Variants in CSMD1 observed in about 807,000 individuals in gnomAD.
The protein encoded by CSMD1 is CUB and sushi domain-containing protein 1.
CSMD1 carries 213 observed loss-of-function variants against 417.5 expected under a neutral mutation model. The ratio of observed to expected loss-of-function variants is 0.51; its 90% CI spans 0.46 to 0.57. The LOEUF is 0.57. CSMD1 is among the 20% of genes least tolerant of loss of function. The pLI is 0.00. For synonymous variants in CSMD1, 2,862 were observed against 1,736.8 expected (o/e 1.65, Z -16.11); for missense variants, 6,923 against 4,529.7 (o/e 1.53, Z -15.17).
intron 5 of CSMD1, among the ~76,000 whole-genome samples, chr8:3,994,583 G>C (rs1016925037): frequency 1.3e-5 from 2 of 151,816 alleles, no homozygotes; most frequent in Admixed American, 6.6e-5. Flanking sequence ...GCAAGGGATT[G>C]ATAGGAAGCC....
intron 12 of CSMD1, among the ~76,000 whole-genome samples, chr8:3,465,180 G>A (rs1450539231): frequency 6.6e-6 from 1 of 152,074 alleles, no homozygotes; most frequent in Non-Finnish European, 1.5e-5. Context: ...TTCAGTCTCT[G>A]AGCTCCTCCC....
chr8:4,206,760 A>G (rs910780745), intron 3 of CSMD1, among the ~76,000 whole-genome samples: 1 of 152,244 alleles, frequency 6.6e-6, no homozygotes, highest in Admixed American at 6.5e-5. Context: ...TTCCAATGAA[A>G]CCATATCATT....
At chr8:4,772,046 G>T (rs1477433522) in intron 1 of CSMD1, among the ~76,000 whole-genome samples, 1 of 152,194 alleles carries the variant, frequency 6.6e-6, no homozygotes, top group East Asian at 1.9e-4. Context: ...CGGTCTCACT[G>T]GGCTAAAACC....
chr8:3,363,553 A>T (rs950561378), intron 20 of CSMD1, among the ~76,000 whole-genome samples: 1 of 147,840 alleles, frequency 6.8e-6, no homozygotes, highest in Non-Finnish European at 1.5e-5. Flanking sequence ...TTTGAGACCG[A>T]GTCTCGCTGT....
chr8:3,302,971 A>T lies in CSMD1; in HGVS notation c.3950+4724T>A, dbSNP rs547572236. ...TCACCCATGACCAGCAACTGCTCCC[A>T]GAGCCCCAGGTTAAAGGGGGTCTGG... On this transcript the variant is annotated intron_variant, in intron 25 of 69. Coordinates refer to ENST00000635120, the MANE Select transcript of CSMD1 (RefSeq NM_033225.6). Among the ~76,000 whole-genome samples the T allele has an allele frequency of 2.0e-5, 3 of 152,362 alleles. No homozygotes were observed. The East Asian group carries it at 5.8e-4, about 29-fold the overall frequency.
At chr8:4,562,285 A>G (rs539965547) in intron 2 of CSMD1, among the ~76,000 whole-genome samples, 1 of 152,312 alleles carries the variant, frequency 6.6e-6, no homozygotes, top group South Asian at 2.1e-4. Context: ...GAGAGAGGAC[A>G]ACCTGCTGGA....
At chr8:4,382,234 C>G (rs1486024816) in intron 3 of CSMD1, among the ~76,000 whole-genome samples, 1 of 152,170 alleles carries the variant, frequency 6.6e-6, no homozygotes, top group Admixed American at 6.5e-5. Flanking sequence ...CATTAAACAA[C>G]CATTACCAAA....
chr8:4,104,325 G>C (rs528745012), intron 3 of CSMD1, among the ~76,000 whole-genome samples: 1 of 152,178 alleles, frequency 6.6e-6, no homozygotes, highest in African/African-American at 2.4e-5. Flanking sequence ...CTCCACATGA[G>C]TGCTTAGAAC....
Position 3,241,088 on chromosome 8 carries a change from G to A in CSMD1, c.4154-10857C>T, listed in dbSNP as rs546639534. ...AGGTGAGGGGATACAAGAGGAGGAC[G>A]CAACGGAGGCTTTGGATTGGGAAGA... On this transcript the variant is annotated intron_variant, in intron 26 of 69. Coordinates refer to ENST00000635120, the MANE Select transcript of CSMD1 (RefSeq NM_033225.6). Among the ~76,000 whole-genome samples, 157 of 150,818 alleles carry A rather than the reference G, an allele frequency of 1.0e-3. 1 individual carries two copies. The highest frequency in any genetic ancestry group is 2.9e-3 in the African/African-American group (118 of 41,076).
At chr8:4,347,656 C>G (rs1380081712) in intron 3 of CSMD1, among the ~76,000 whole-genome samples, 2 of 152,148 alleles carry the variant, frequency 1.3e-5, no homozygotes, top group African/African-American at 2.4e-5. Context: ...AGTGTAATTT[C>G]ACATCAGTAT....
chr8:4,716,611 T>C (rs1197170643), intron 1 of CSMD1, among the ~76,000 whole-genome samples: 1 of 152,180 alleles, frequency 6.6e-6, no homozygotes, highest in Admixed American at 6.5e-5. Flanking sequence ...TAGCAGAATA[T>C]GGATTAACAC....
intron 2 of CSMD1, among the ~76,000 whole-genome samples, chr8:4,566,539 C>G (rs1021073852): frequency 1.5e-4 from 23 of 150,938 alleles, no homozygotes; most frequent in East Asian, 3.9e-4. Flanking sequence ...TGCAGTCCCA[C>G]CTACTCGGGA....
At chr8:3,785,317 G>A (rs1376298545) in intron 5 of CSMD1, among the ~76,000 whole-genome samples, 1 of 152,214 alleles carries the variant, frequency 6.6e-6, no homozygotes, top group Admixed American at 6.5e-5. Flanking sequence ...TCAGGCTGCG[G>A]AAAATAAATG....
In CSMD1 at chr8:3,996,740, T is replaced by G. The variant is rs199866363; in HGVS notation, c.818+1163A>C. 2.6e-5 allele frequency among the ~76,000 whole-genome samples: 4 copies of G among 152,174 alleles called. No homozygotes were observed. The East Asian group carries it at 5.8e-4, about 22-fold the overall frequency. On this transcript the variant is annotated intron_variant, in intron 5 of 69. Coordinates refer to ENST00000635120, the MANE Select transcript of CSMD1 (RefSeq NM_033225.6). ...GACAATCTAGGTAGAATTTGTTTGG[T>G]TTCTTCCTCCCTCCTATTTGAAATA...
chr8:4,007,941 T>A (rs1206492824), intron 4 of CSMD1, among the ~76,000 whole-genome samples: 1 of 152,192 alleles, frequency 6.6e-6, no homozygotes, highest in Non-Finnish European at 1.5e-5. Context: ...CAAGAACTCT[T>A]AATAGAGCGA....
At chr8:3,293,932 C>G (rs1211555559) in intron 25 of CSMD1, among the ~76,000 whole-genome samples, 1 of 152,130 alleles carries the variant, frequency 6.6e-6, no homozygotes, top group Non-Finnish European at 1.5e-5. Flanking sequence ...TTTTTCTGCT[C>G]TGTTTTTTCC....
At chr8:4,350,136 C>A (rs1448955618) in intron 3 of CSMD1, among the ~76,000 whole-genome samples, 2 of 152,172 alleles carry the variant, frequency 1.3e-5, no homozygotes, top group South Asian at 2.1e-4. Flanking sequence ...AAACTTCAGT[C>A]CAAATCATCA....
At position 3,440,696 on chromosome 8, in the gene CSMD1, G is replaced by C. The variant is rs1476567426; in HGVS notation, c.1561+28016C>G. Among the ~76,000 whole-genome samples, 3 of 152,216 alleles carry C rather than the reference G, an allele frequency of 2.0e-5. No individual in the cohort carries two copies. In the East Asian group the frequency reaches 5.8e-4, roughly 29 times the overall value. On this transcript the variant is annotated intron_variant, in intron 12 of 69. Coordinates refer to ENST00000635120, the MANE Select transcript of CSMD1 (RefSeq NM_033225.6). The stretch of plus-strand genomic sequence containing the variant: ...CTTCCAGCACTATACTGAATGGGAA[G>C]AGTGGATATCCTTGGTGGGTTCTTA...
At chr8:3,445,211 A>G (rs2117078317) in intron 12 of CSMD1, among the ~76,000 whole-genome samples, 1 of 152,336 alleles carries the variant, frequency 6.6e-6, no homozygotes, top group South Asian at 2.1e-4. Flanking sequence ...ATCATGAAGG[A>G]AAAGGAAGCC....
Sources: gnomAD v4.1 joint callset for allele counts (sites outside exome capture counted in the v4.1 genomes callset) on GRCh38, gnomAD v4.1.1 for gene constraint, MANE v1.5 for transcripts, NCBI Gene and HGNC (gene_info 2026-07-23, HGNC 2026-07-21) for gene names.